Variants in IGSF10 observed in about 807,000 individuals in gnomAD.
IGSF10 encodes the protein immunoglobulin superfamily member 10.
Under a neutral mutation model 128.2 loss-of-function variants are expected in IGSF10, and 126 were observed. That is an observed-to-expected ratio of 0.98 (90% CI 0.85 to 1.14). IGSF10 has a LOEUF of 1.14. Among genes scored for constraint, IGSF10 ranks in the 50% most tolerant of loss-of-function variants. IGSF10 has a pLI of 0.00. For synonymous variants in IGSF10, 1,185 were observed against 1,146.2 expected, an observed-to-expected ratio of 1.03 and a Z score of -0.68; for missense variants, 3,295 against 3,149.8, an observed-to-expected ratio of 1.05 and a Z score of -1.10.
At chr3:151,525,952 AG>A in the IGSF10 span, among the ~76,000 whole-genome samples, 2 of 152,138 alleles carry the variant, frequency 1.3e-5, no homozygotes, top group African/African-American at 4.8e-5. Context: ...ACTCAAGGGG[AG>A]GGGATTTTAC....
downstream of IGSF10, chr3:151,433,213 TG>T (rs1719731649): frequency 6.4e-6 from 1 of 157,424 alleles, no homozygotes. Flanking sequence ...CAAACTGTGC[TG>T]GACCAAACTA....
In IGSF10 at chr3:151,438,594, C is replaced by T; in HGVS notation, c.5967G>A (p.Val1989=). ...TAGGGTAGACGTGGATCCAGCTGCC[C>T]ACTCTAAGGAGAAAAGAGATTCATT... ...SKAVVDQQHR[V]GSWIHVYPNG... The change falls in exon 8 of 8, where the codon GTG becomes GTA. Residue 1989 remains valine, a synonymous_variant. Transcript: ENST00000282466. 1 of 1,609,252 alleles carries T rather than the reference C, an allele frequency of 6.2e-7. No homozygotes were observed. Among genetic ancestry groups the T allele is most frequent in the Admixed American group, 1.7e-5 (1 of 59,584 alleles).
the IGSF10 span, among the ~76,000 whole-genome samples, chr3:151,598,750 C>T: frequency 3.0e-4 from 45 of 152,154 alleles, no homozygotes; most frequent in African/African-American, 9.4e-4. Flanking sequence ...GTTGAATCCA[C>T]GAATGTGGAA....
At chr3:151,508,825 G>A in the IGSF10 span, among the ~76,000 whole-genome samples, 1 of 152,030 alleles carries the variant, frequency 6.6e-6, no homozygotes, top group African/African-American at 2.4e-5. Context: ...ACCTTCTTCA[G>A]GTTATATTTT....
the IGSF10 span, among the ~76,000 whole-genome samples, chr3:151,537,164 T>G: frequency 9.9e-5 from 15 of 152,274 alleles, no homozygotes; most frequent in Admixed American, 2.0e-4. Flanking sequence ...GTTGGGCACA[T>G]TAGTATTTGC....
chr3:151,440,665 T>C (rs1294120390), intron 7 of IGSF10: 1 of 456,360 alleles, frequency 2.2e-6, no homozygotes, highest in Non-Finnish European at 4.4e-6. Flanking sequence ...TATTGGTTCT[T>C]AAACTTGGCT....
chr3:151,560,415 C>T, the IGSF10 span, among the ~76,000 whole-genome samples: 11 of 152,072 alleles, frequency 7.2e-5, no homozygotes, highest in Admixed American at 7.2e-4. Flanking sequence ...TCATCTGTTC[C>T]TTCTTACAGT....
chr3:151,454,071 G>T (rs148227649), intron 4 of IGSF10, among the ~76,000 whole-genome samples: 1,953 of 147,032 alleles, frequency 0.013, 32 homozygotes, highest in African/African-American at 0.046. Flanking sequence ...AGGCTGGAGT[G>T]CAGTGTTGTG....
the IGSF10 span, among the ~76,000 whole-genome samples, chr3:151,553,763 G>T: frequency 6.6e-6 from 1 of 151,450 alleles, no homozygotes; most frequent in African/African-American, 2.4e-5. Context: ...TTTTTCAAAA[G>T]TCTCCTCAGT....
the IGSF10 span, among the ~76,000 whole-genome samples, chr3:151,532,889 A>G: frequency 5.4e-4 from 82 of 152,146 alleles, no homozygotes; most frequent in African/African-American, 1.8e-3. Flanking sequence ...AATTGTCTCT[A>G]TTTGCAGATG....
chr3:151,574,902 C>T, the IGSF10 span, among the ~76,000 whole-genome samples: 3 of 152,058 alleles, frequency 2.0e-5, no homozygotes, highest in Admixed American at 6.6e-5. Context: ...ATGGGGTTTT[C>T]GTGTGGGTGT....
chr3:151,453,838 C>A, intron 4 of IGSF10, 64 bp from the exon 5 acceptor site: 1 of 963,594 alleles, frequency 1.0e-6, no homozygotes, highest in South Asian at 1.8e-5. Context: ...GGGAAAAGTC[C>A]TATCAATAAC....
At chr3:151,511,187 G>A in the IGSF10 span, among the ~76,000 whole-genome samples, 126,419 of 151,936 alleles carry the variant, frequency 0.83, 52,697 homozygotes, top group Middle Eastern at 0.95. Context: ...TTGAAATGAA[G>A]GAAAAAATGT....
At chr3:151,534,986 C>T in the IGSF10 span, among the ~76,000 whole-genome samples, 1 of 151,790 alleles carries the variant, frequency 6.6e-6, no homozygotes, top group Non-Finnish European at 1.5e-5. Flanking sequence ...CCAATACCAG[C>T]TTTATCAGTT....
At chr3:151,595,224 G>C in the IGSF10 span, among the ~76,000 whole-genome samples, 2 of 152,000 alleles carry the variant, frequency 1.3e-5, no homozygotes, top group Non-Finnish European at 2.9e-5. Context: ...CAAAAAATTA[G>C]AAATAGAACT....
chr3:151,520,397 G>A, the IGSF10 span, among the ~76,000 whole-genome samples: 1 of 151,778 alleles, frequency 6.6e-6, no homozygotes, highest in African/African-American at 2.4e-5. Flanking sequence ...TCTCAGACAT[G>A]TAAAGCAGAC....
At chr3:151,441,373 T>C (rs2108536997) in intron 7 of IGSF10, among the ~76,000 whole-genome samples, 1 of 152,360 alleles carries the variant, frequency 6.6e-6, no homozygotes, top group East Asian at 1.9e-4. Context: ...TCACATTTCA[T>C]AACTCAGCAT....
At chr3:151,451,822 CAG>C (rs1173675373) in intron 5 of IGSF10, among the ~76,000 whole-genome samples, 2 of 152,140 alleles carry the variant, frequency 1.3e-5, no homozygotes, top group African/African-American at 4.8e-5. Flanking sequence ...AGAATGGAAA[CAG>C]AGCAGCAGAA....
chr3:151,494,592 A>G, the IGSF10 span, among the ~76,000 whole-genome samples: 1 of 152,076 alleles, frequency 6.6e-6, no homozygotes, highest in Non-Finnish European at 1.5e-5. Flanking sequence ...TTGCAATTCT[A>G]TTTTAGTTCC....
Sources: gnomAD v4.1 joint callset for allele counts (sites outside exome capture counted in the v4.1 genomes callset) on GRCh38, gnomAD v4.1.1 for gene constraint, MANE v1.5 for transcripts, NCBI Gene and HGNC (gene_info 2026-07-23, HGNC 2026-07-21) for gene names.